The following TP53BP1 variants were observed in gnomAD, a reference collection of about 807,000 sequenced individuals.
TP53BP1 encodes tumor protein p53 binding protein 1.
Under a neutral mutation model 200.8 loss-of-function variants are expected in TP53BP1, and 61 were observed. That is an observed-to-expected ratio of 0.30 (90% CI 0.25 to 0.38). TP53BP1 has a LOEUF of 0.38. Among genes scored for constraint, TP53BP1 ranks in the 10% least tolerant of loss-of-function variants. The pLI is 1.00. For synonymous variants in TP53BP1, 822 were observed against 844.3 expected (o/e 0.97, Z 0.46); for missense variants, 2,144 against 2,371.9 (o/e 0.90, Z 2.00).
At chr15:43,496,657 C>G (rs1300086564), upstream of TP53BP1, among the ~76,000 whole-genome samples, 3 of 140,718 alleles carry the variant, frequency 2.1e-5, no homozygotes, top group Non-Finnish European at 4.6e-5. Flanking sequence ...GAGTTTCACT[C>G]TTTTTGCCCA....
chr15:43,435,296 A>G (rs1369778956), intron 16 of TP53BP1, among the ~76,000 whole-genome samples: 3 of 142,324 alleles, frequency 2.1e-5, no homozygotes, highest in Non-Finnish European at 4.6e-5. Context: ...AAAAAAATCC[A>G]AATTGAAATA....
At chr15:43,495,533 A>ACACACACAC (rs56809321), upstream of TP53BP1, among the ~76,000 whole-genome samples, 9 of 143,270 alleles carry the variant, frequency 6.3e-5, no homozygotes, top group Admixed American at 1.4e-4. Context: ...ACACACACAC[A>ACACACACAC]AAAGCCAGGT....
intron 21 of TP53BP1, among the ~76,000 whole-genome samples, chr15:43,419,142 C>T (rs761654951): frequency 6.6e-6 from 1 of 152,180 alleles, no homozygotes; most frequent in Non-Finnish European, 1.5e-5. Flanking sequence ...CTCACTTGTA[C>T]CCGGAAGCTA....
At chr15:43,451,232 G>A (rs988230303) in intron 12 of TP53BP1, among the ~76,000 whole-genome samples, 4 of 150,570 alleles carry the variant, frequency 2.7e-5, no homozygotes, top group African/African-American at 9.8e-5. Flanking sequence ...TGTGCACAAT[G>A]TGCAGGTTAG....
At chr15:43,428,445 T>C (rs1445351323) in intron 17 of TP53BP1, among the ~76,000 whole-genome samples, 1 of 152,234 alleles carries the variant, frequency 6.6e-6, no homozygotes, top group Non-Finnish European at 1.5e-5. Flanking sequence ...TTACGGACAT[T>C]TAGGTGAACC....
chr15:43,444,437 A>T (rs1357713973), intron 14 of TP53BP1, among the ~76,000 whole-genome samples: 1 of 152,162 alleles, frequency 6.6e-6, no homozygotes, highest in Admixed American at 6.5e-5. Context: ...TCCGGAAAAG[A>T]TGATAGTAAG....
chr15:43,430,424 C>T (rs2045642657), intron 17 of TP53BP1, among the ~76,000 whole-genome samples: 1 of 150,798 alleles, frequency 6.6e-6, no homozygotes, highest in Non-Finnish European at 1.5e-5. Context: ...ATGGTAAAAT[C>T]TGCATAACAT....
At chr15:43,507,875 C>T (rs1024786216) in intron 1 of TP53BP1, among the ~76,000 whole-genome samples, 5 of 151,968 alleles carry the variant, frequency 3.3e-5, no homozygotes, top group Admixed American at 1.3e-4. Flanking sequence ...CCACCACACC[C>T]GGCTAATTTT....
rs574966094 is a variant in TP53BP1 at position 43,456,336 on chromosome 15, C to T, written c.2272G>A (p.Asp758Asn). 25 of 1,613,286 alleles carry T rather than the reference C, an allele frequency of 1.5e-5. No homozygotes were observed. The South Asian group carries it at 2.6e-4, about 17-fold the overall frequency. Residue 758 changes from aspartate to asparagine, a missense_variant, in exon 12 of 28, where the codon GAC becomes AAC. Physicochemically the swap from Asp to Asn is conservative, Grantham distance 23 (BLOSUM62 1). Coordinates refer to ENST00000382044, the MANE Select transcript of TP53BP1 (RefSeq NM_001141980.3). ...QEAWEEATSE[D>N]SSVVIVDVKE... is the part of the protein sequence containing the mutation. ...ACATCTACAATGACAACACTGGAGT[C>T]CTCTGAAGTAGCTTCTTCCCAAGCT...
At chr15:43,506,069 G>A (rs1363645220) in intron 1 of TP53BP1, among the ~76,000 whole-genome samples, 1 of 152,164 alleles carries the variant, frequency 6.6e-6, no homozygotes, top group African/African-American at 2.4e-5. Flanking sequence ...AAAAACTAAT[G>A]ACATTCATCA....
intron 1 of TP53BP1, among the ~76,000 whole-genome samples, chr15:43,498,838 G>C (rs2079194393): frequency 6.6e-6 from 1 of 152,126 alleles, no homozygotes. Context: ...AATTATCCAA[G>C]ATTGGAGCTG....
At chr15:43,467,060 CTTTT>C (rs71307480) in intron 11 of TP53BP1, among the ~76,000 whole-genome samples, 1 of 145,940 alleles carries the variant, frequency 6.9e-6, no homozygotes, top group East Asian at 2.0e-4. Context: ...TAAAGGTATT[CTTTT>C]TTTTTTTTGA....
Position 43,457,156 on chromosome 15 carries a change from A to C in TP53BP1, c.1452T>G (p.Asp484Glu), listed in dbSNP as rs1475622036. Reference sequence around the variant, plus strand: ...CAACTGTCAAAGATGAACTATGCATATCTCCATCTTTCTTCCCATCATTTG... The same window carrying C: ...CAACTGTCAAAGATGAACTATGCATCTCTCCATCTTTCTTCCCATCATTTG... ...EQSNDGKKDG[D>E]MHSSSLTVEC... is the part of the protein sequence containing the mutation. Residue 484 changes from aspartate (D) to glutamate (E), a missense_variant, in exon 12 of 28, where the codon GAT (aspartate) becomes GAG (glutamate). This residue lies in a region of TP53BP1 where 1,700 missense variants were observed against 1,710.3 expected (regional missense o/e 0.99). Transcript: ENST00000382044. 6.2e-7 allele frequency: 1 copy of C among 1,612,930 alleles called. No homozygotes were observed. The highest frequency in any genetic ancestry group is 8.5e-7 in the Non-Finnish European group (1 of 1,179,260).
Position 43,407,525 on chromosome 15 carries a change from C to T in TP53BP1, c.5792G>A (p.Cys1931Tyr). Reference protein sequence around the residue: ...VFDVVVTDPSCPASVLKCAEA... With the variant: ...VFDVVVTDPSYPASVLKCAEA... Reference sequence around the variant, plus strand: ...AGCACACTTCAGCACCGAGGCTGGGCATGAGGGGTCCGTCACCACCACATC... The same window carrying T: ...AGCACACTTCAGCACCGAGGCTGGGTATGAGGGGTCCGTCACCACCACATC... The change falls in exon 28 of 28, where the codon TGC (cysteine) becomes TAC (tyrosine). Residue 1931 changes from cysteine to tyrosine, a missense_variant. Transcript: ENST00000382044. The T allele has an allele frequency of 6.2e-7, 1 of 1,614,190 alleles. No individual in the cohort carries two copies. The highest frequency in any genetic ancestry group is 8.5e-7 in the Non-Finnish European group (1 of 1,180,030).
In TP53BP1 at chr15:43,452,969, C is replaced by T. The variant is rs970542056; in HGVS notation, c.2716+2923G>A. On this transcript the variant is annotated intron_variant, in intron 12 of 27. Coordinates refer to ENST00000382044, the MANE Select transcript of TP53BP1 (RefSeq NM_001141980.3). ...CAGCACTTTGGGAGGCCGAGGCGGG[C>T]GGATCACGAGGTCAGGAGATCGAGA... 3.7e-4 allele frequency among the ~76,000 whole-genome samples: 56 copies of T among 151,948 alleles called. 1 individual carries two copies. Among genetic ancestry groups the T allele is most frequent in the Non-Finnish European group, 2.2e-4 (15 of 67,920 alleles).
Position 43,422,143 on chromosome 15 carries a change from G to A in TP53BP1, c.3829-17C>T, listed in dbSNP as rs778644884. ...TTCAGTCTCCTGCAAGGAAAAAATA[G>A]ATACAGAAGATAAAAGATGCCATAA... On this transcript the variant is annotated splice_polypyrimidine_tract_variant and intron_variant, in intron 18 of 27. Transcript: ENST00000382044. 1.9e-6 allele frequency: 3 copies of A among 1,608,760 alleles called. No individual in the cohort carries two copies. The highest frequency in any genetic ancestry group is 3.4e-5 in the Admixed American group (2 of 58,916).
rs1200784704 is a variant in TP53BP1, at chr15:43,456,491, A to C, written c.2117T>G (p.Leu706Trp). The C allele has an allele frequency of 6.3e-7, 1 of 1,576,334 alleles. No individual in the cohort carries two copies. The highest frequency in any genetic ancestry group is 8.6e-7 in the Non-Finnish European group (1 of 1,165,528). Residue 706 changes from leucine (L) to tryptophan (W), a missense_variant, in exon 12 of 28, where the codon TTG becomes TGG. Physicochemically the swap from Leu to Trp is moderately conservative, Grantham distance 61. This residue lies in a region of TP53BP1 where 1,700 missense variants were observed against 1,710.3 expected (regional missense o/e 0.99). Transcript: ENST00000382044. Reference sequence around the variant, plus strand: ...TTTTGGCATTTCCTTTTGAAGACACAACCCTTGGGACTGAGTTTCAGTCAG... The same window carrying C: ...TTTTGGCATTTCCTTTTGAAGACACCACCCTTGGGACTGAGTTTCAGTCAG... ...LSLTETQSQG[L>W]CLQKEMPKKE... is the part of the protein sequence containing the mutation.
intron 11 of TP53BP1, among the ~76,000 whole-genome samples, chr15:43,460,435 A>AT (rs2046403259): frequency 6.6e-6 from 1 of 151,798 alleles, no homozygotes; most frequent in Admixed American, 6.6e-5. Context: ...TAATTTTTGT[A>AT]TTTTTTGTAG....
chr15:43,404,603 A>C lies in TP53BP1; in HGVS notation c.*2780T>G. On this transcript the variant is annotated 3_prime_UTR_variant, in exon 28 of 28. Transcript: ENST00000382044. ...GTAGACTTTTTAAGGTGGCTTTTTA[A>C]TGAGTTGTAGAATTCTAGAACTGGA... 1.3e-6 allele frequency: 2 copies of C among 1,596,458 alleles called. No homozygotes were observed. The highest frequency in any genetic ancestry group is 1.7e-6 in the Non-Finnish European group (2 of 1,169,240).
Sources: gnomAD v4.1 joint callset for allele counts (sites outside exome capture counted in the v4.1 genomes callset) on GRCh38, gnomAD v4.1.1 for gene constraint, gnomAD v4.1.1 regional missense constraint, MANE v1.5 for transcripts, NCBI Gene and HGNC (gene_info 2026-07-23, HGNC 2026-07-21) for gene names.